DOCK8: variants seen among roughly 807,000 people sequenced by gnomAD.
DOCK8 encodes dedicator of cytokinesis protein 8.
A neutral mutation model predicts 245.6 loss-of-function variants in DOCK8; 141 were observed. That is an observed-to-expected ratio of 0.57 (90% CI 0.50 to 0.66). The LOEUF (loss-of-function observed/expected upper bound fraction) is 0.66, where lower values mean the gene tolerates loss of function less well. Ranked by LOEUF, DOCK8 falls within the 30% of genes least tolerant of loss-of-function variation. DOCK8 has a pLI of 0.00. For missense variants in DOCK8, 2,965 were observed against 2,603.4 expected (o/e 1.14, Z -3.02); for synonymous variants, 1,168 against 970.2 (o/e 1.20, Z -3.79).
At chr9:415,370 C>A (rs61195175) in intron 29 of DOCK8, among the ~76,000 whole-genome samples, 49,869 of 151,722 alleles carry the variant, frequency 0.33, 8,986 homozygotes, top group East Asian at 0.51. Context: ...ATGAACCCAA[C>A]TAATTGCTCC....
chr9:463,498 A>C lies in DOCK8; in HGVS notation c.6069-19A>C. On this transcript the variant is annotated intron_variant, in intron 46 of 47. Transcript: ENST00000432829. ...CTTCAAAGTCATTTATTTCTCCCACACTGATATTTTCATCTCAGATGTGGT... is the reference window on the plus strand; with the variant it reads ...CTTCAAAGTCATTTATTTCTCCCACCCTGATATTTTCATCTCAGATGTGGT... 1 of 1,613,960 alleles carries C rather than the reference A, an allele frequency of 6.2e-7. No individual in the cohort carries two copies. Among genetic ancestry groups the C allele is most frequent in the African/African-American group, 1.3e-5 (1 of 75,050 alleles).
chr9:235,283 T>A (rs2047217792), intron 1 of DOCK8, among the ~76,000 whole-genome samples: 1 of 152,262 alleles, frequency 6.6e-6, no homozygotes, highest in Non-Finnish European at 1.5e-5. Flanking sequence ...AGTACCTGGC[T>A]GTGTGAGGTG....
intron 1 of DOCK8, among the ~76,000 whole-genome samples, chr9:222,847 T>G (rs751029560): frequency 6.6e-6 from 1 of 152,234 alleles, no homozygotes; most frequent in Non-Finnish European, 1.5e-5. Context: ...ACTGTGCTTT[T>G]TACTTTGCTT....
intron 8 of DOCK8, 63 bp downstream of exon 8, chr9:325,800 A>G (rs1212087218): frequency 5.2e-6 from 7 of 1,356,820 alleles, no homozygotes; most frequent in Middle Eastern, 1.8e-4. Context: ...CTTTGCATGT[A>G]TGTTTTTAAA....
In DOCK8 at chr9:416,206, C is replaced by G. The variant is rs140915826; in HGVS notation, c.3700+1255C>G. On this transcript the variant is annotated intron_variant, in intron 29 of 47. Transcript: ENST00000432829. The stretch of plus-strand genomic sequence containing the variant: ...GGCTGAGCAAGCTGCACCATGAGGT[C>G]AGCAGCTTCCTCTAGCAGCGCCTGA... Among the ~76,000 whole-genome samples, 89 of 152,308 alleles carry G rather than the reference C, an allele frequency of 5.8e-4. 1 individual carries two copies. The highest frequency in any genetic ancestry group is 2.1e-3 in the African/African-American group (89 of 41,580).
intron 2 of DOCK8, among the ~76,000 whole-genome samples, chr9:275,607 G>C (rs1173303499): frequency 2.6e-5 from 4 of 152,158 alleles, no homozygotes; most frequent in Non-Finnish European, 5.9e-5. Context: ...TGTATTTTTT[G>C]AGATGGAGTC....
chr9:327,610 T>C (rs1344096641), intron 8 of DOCK8, among the ~76,000 whole-genome samples: 1 of 152,174 alleles, frequency 6.6e-6, no homozygotes, highest in Non-Finnish European at 1.5e-5. Context: ...TTGCCCAGGC[T>C]GGTTTCAAAC....
chr9:314,327 C>G (rs1330316645), intron 6 of DOCK8: 1 of 152,156 alleles, frequency 6.6e-6, no homozygotes, highest in Non-Finnish European at 1.5e-5. Flanking sequence ...AATAGAGGGA[C>G]CCAAAGTGGA....
Position 420,441 on chromosome 9 carries a change from GC to G in DOCK8, c.3882del (p.Asn1295ThrfsTer3). ...QYNMLNADTT[R>X]NLMICFLWIM... ...AACATGCTGAACGCGGACACTACTCGCAACCTCATGATCTGCTTCCTCTGGA... is the reference window on the plus strand; with the variant it reads ...AACATGCTGAACGCGGACACTACTCGAACCTCATGATCTGCTTCCTCTGGA... On this transcript the variant is annotated frameshift_variant, in exon 31 of 48. Coordinates refer to ENST00000432829, the MANE Select transcript of DOCK8 (RefSeq NM_203447.4). LOFTEE classifies it high-confidence loss of function. 1 of 1,614,040 alleles carries G rather than the reference GC, an allele frequency of 6.2e-7. No individual in the cohort carries two copies. The highest frequency in any genetic ancestry group is 2.2e-5 in the East Asian group (1 of 44,888).
At chr9:240,736 C>T (rs2047357223) in intron 1 of DOCK8, among the ~76,000 whole-genome samples, 2 of 152,084 alleles carry the variant, frequency 1.3e-5, no homozygotes, top group African/African-American at 2.4e-5. Context: ...CTGTGTTAGA[C>T]TCTGGGGATT....
At chr9:365,914 A>C in intron 14 of DOCK8, 2 of 285,148 alleles carry the variant, frequency 7.0e-6, no homozygotes, top group East Asian at 8.8e-5. Flanking sequence ...ATCCACGTCC[A>C]CTCCTGACAG....
At chr9:353,562 G>A (rs1169607322) in intron 14 of DOCK8, among the ~76,000 whole-genome samples, 2 of 152,130 alleles carry the variant, frequency 1.3e-5, no homozygotes, top group African/African-American at 4.8e-5. Flanking sequence ...TGGCAGATTT[G>A]TTTTAGGAAA....
At chr9:249,784 A>ATTTT (rs5895836) in intron 1 of DOCK8, among the ~76,000 whole-genome samples, 6 of 141,878 alleles carry the variant, frequency 4.2e-5, no homozygotes, top group East Asian at 4.2e-4. Context: ...TGCCTGGCTA[A>ATTTT]TTTTTTTTTT....
intron 2 of DOCK8, among the ~76,000 whole-genome samples, chr9:280,068 A>G (rs1213465857): frequency 6.6e-6 from 1 of 152,328 alleles, no homozygotes; most frequent in Non-Finnish European, 1.5e-5. Context: ...TCAATTTGAG[A>G]ACAAATTGAA....
At chr9:414,049 G>C (rs1370539420) in intron 28 of DOCK8, among the ~76,000 whole-genome samples, 1 of 151,380 alleles carries the variant, frequency 6.6e-6, no homozygotes, top group Non-Finnish European at 1.5e-5. Context: ...GGCTGAGTCA[G>C]AAGAATTGCT....
intron 14 of DOCK8, among the ~76,000 whole-genome samples, chr9:355,818 A>G (rs2052414759): frequency 6.6e-6 from 1 of 151,856 alleles, no homozygotes; most frequent in Admixed American, 6.6e-5. Flanking sequence ...TCACCTCCCA[A>G]GCATCTGCAG....
intron 26 of DOCK8, among the ~76,000 whole-genome samples, chr9:399,704 T>C (rs75743978): frequency 4.9e-4 from 75 of 152,144 alleles, no homozygotes; most frequent in African/African-American, 1.7e-3. Flanking sequence ...AATAAAATCA[T>C]TCAAAGAGAT....
intron 1 of DOCK8, among the ~76,000 whole-genome samples, chr9:244,007 AC>A (rs766237645): frequency 4.0e-5 from 6 of 151,502 alleles, no homozygotes; most frequent in Non-Finnish European, 7.4e-5. Flanking sequence ...ACATGGTGAA[AC>A]CCCGTCTCTA....
intron 35 of DOCK8, 47 bp downstream of exon 35, chr9:428,543 T>G: frequency 6.2e-7 from 1 of 1,608,774 alleles, no homozygotes; most frequent in Non-Finnish European, 8.5e-7. Flanking sequence ...AGAGTAAGAT[T>G]CTCATCTAGC....
Sources: allele counts gnomAD v4.1 joint callset (sites outside exome capture counted in the v4.1 genomes callset), GRCh38; gene constraint gnomAD v4.1.1; transcripts MANE v1.5; gene names NCBI Gene and HGNC (gene_info 2026-07-23, HGNC 2026-07-21).